CCSER1: variants seen among roughly 807,000 people sequenced by gnomAD.
The protein encoded by CCSER1 is serine-rich coiled-coil domain-containing protein 1.
CCSER1 carries 41 observed loss-of-function variants against 82.0 expected under a neutral mutation model. The ratio of observed to expected loss-of-function variants is 0.50; its 90% confidence interval spans 0.39 to 0.65. The LOEUF is 0.65. CCSER1 is among the 30% of genes least tolerant of loss of function. CCSER1 has a pLI of 0.00. For missense variants in CCSER1, 1,119 were observed against 1,064.2 expected, an observed-to-expected ratio of 1.05 and a Z score of -0.72; for synonymous variants, 414 against 383.9, an observed-to-expected ratio of 1.08 and a Z score of -0.92.
chr4:90,907,861 C>T (rs2150177762), intron 8 of CCSER1, among the ~76,000 whole-genome samples: 1 of 152,086 alleles, frequency 6.6e-6, no homozygotes, highest in African/African-American at 2.4e-5. Flanking sequence ...ATACAAATGC[C>T]AGAAATTTTG....
chr4:90,275,474 AATGTCATC>A (rs1727375779), intron 1 of CCSER1, among the ~76,000 whole-genome samples: 1 of 152,158 alleles, frequency 6.6e-6, no homozygotes, highest in South Asian at 2.1e-4. Context: ...AAATGTTCAG[AATGTCATC>A]ACCTTGCTAA....
intron 3 of CCSER1, among the ~76,000 whole-genome samples, chr4:90,336,879 AGCTGATGTTTATTAATG>A (rs1184079854): frequency 6.6e-6 from 1 of 152,224 alleles, no homozygotes; most frequent in Admixed American, 6.5e-5. Context: ...CAGCAATATT[AGCTGATGTTTATTAATG>A]GCTGATGTTT....
At chr4:91,550,952 A>G (rs1383953454) in intron 10 of CCSER1, among the ~76,000 whole-genome samples, 1 of 152,162 alleles carries the variant, frequency 6.6e-6, no homozygotes, top group African/African-American at 2.4e-5. Context: ...TTGAAAGTTT[A>G]TGTTCATGAC....
At chr4:91,537,667 G>A (rs1761362794) in intron 10 of CCSER1, among the ~76,000 whole-genome samples, 1 of 151,874 alleles carries the variant, frequency 6.6e-6, no homozygotes, top group African/African-American at 2.4e-5. Flanking sequence ...ATTATTTTTT[G>A]AGTACTTAGT....
At chr4:90,838,916 G>C (rs778292840) in intron 8 of CCSER1, 4 of 1,613,282 alleles carry the variant, frequency 2.5e-6, no homozygotes, top group East Asian at 2.2e-5. Flanking sequence ...CGATTCGCCT[G>C]CTTGCTTCTC....
At chr4:91,232,694 A>C (rs1463676390) in intron 10 of CCSER1, among the ~76,000 whole-genome samples, 1 of 151,810 alleles carries the variant, frequency 6.6e-6, no homozygotes, top group East Asian at 1.9e-4. Flanking sequence ...ATTACTTAGA[A>C]CCCAAATAAA....
chr4:90,813,018 C>G (rs1758550179), intron 7 of CCSER1, among the ~76,000 whole-genome samples: 1 of 152,174 alleles, frequency 6.6e-6, no homozygotes, highest in Non-Finnish European at 1.5e-5. Context: ...ATTCTTGTCA[C>G]ATTTGAAAAC....
At chr4:91,263,886 T>G (rs1301227025) in intron 10 of CCSER1, among the ~76,000 whole-genome samples, 1 of 151,984 alleles carries the variant, frequency 6.6e-6, no homozygotes, top group Non-Finnish European at 1.5e-5. Context: ...GTATAAGATA[T>G]GTAACCAATA....
intron 6 of CCSER1, among the ~76,000 whole-genome samples, chr4:90,712,059 G>A (rs1389018370): frequency 6.7e-6 from 1 of 148,768 alleles, no homozygotes; most frequent in Non-Finnish European, 1.5e-5. Context: ...AGTCTAGCTA[G>A]TGGTCTATCT....
At chr4:91,195,216 A>G (rs1735313145) in intron 10 of CCSER1, among the ~76,000 whole-genome samples, 1 of 152,238 alleles carries the variant, frequency 6.6e-6, no homozygotes, top group Non-Finnish European at 1.5e-5. Flanking sequence ...GCCAATTAGT[A>G]AAAATGGAGT....
chr4:90,314,451 A>G (rs950339232), intron 3 of CCSER1, among the ~76,000 whole-genome samples: 2 of 152,134 alleles, frequency 1.3e-5, no homozygotes, highest in Non-Finnish European at 2.9e-5. Context: ...ATTTATATTA[A>G]TAGGGTTACA....
chr4:91,504,507 CAGAA>C (rs1264793905), intron 10 of CCSER1, among the ~76,000 whole-genome samples: 1 of 151,988 alleles, frequency 6.6e-6, no homozygotes, highest in Non-Finnish European at 1.5e-5. Flanking sequence ...TCATAAGAAA[CAGAA>C]AGCACTTGTA....
At chr4:90,753,142 C>T (rs1748962561) in intron 7 of CCSER1, among the ~76,000 whole-genome samples, 1 of 152,084 alleles carries the variant, frequency 6.6e-6, no homozygotes. Context: ...CAACAAAGAA[C>T]AGTAAATTTA....
intron 10 of CCSER1, among the ~76,000 whole-genome samples, chr4:91,247,893 A>G (rs1449752945): frequency 6.6e-6 from 1 of 151,942 alleles, no homozygotes; most frequent in Non-Finnish European, 1.5e-5. Context: ...AGAAAACAAA[A>G]CAATAACAAC....
At chr4:90,281,515 A>G (rs115723507) in intron 1 of CCSER1, among the ~76,000 whole-genome samples, 1,636 of 152,022 alleles carry the variant, frequency 0.011, 15 homozygotes, top group African/African-American at 0.023. Flanking sequence ...TTTTTTCCAT[A>G]TTTTATATAT....
At chr4:90,898,314 C>T (rs1382760902) in intron 8 of CCSER1, among the ~76,000 whole-genome samples, 5 of 85,444 alleles carry the variant, frequency 5.9e-5, no homozygotes, top group Admixed American at 1.6e-4. Context: ...CAGAGTCTTG[C>T]TCTTGTCGCC....
At chr4:91,374,099 C>T (rs1750230017) in intron 10 of CCSER1, among the ~76,000 whole-genome samples, 1 of 151,716 alleles carries the variant, frequency 6.6e-6, no homozygotes, top group Non-Finnish European at 1.5e-5. Context: ...ACACCATCTT[C>T]ATAACATAAA....
At chr4:91,207,015 G>A (rs962191242) in intron 10 of CCSER1, among the ~76,000 whole-genome samples, 1 of 151,794 alleles carries the variant, frequency 6.6e-6, no homozygotes, top group African/African-American at 2.4e-5. Flanking sequence ...TTAGGTAACT[G>A]CATGGATGCT....
chr4:90,609,725 C>G (rs945044250), intron 5 of CCSER1, among the ~76,000 whole-genome samples: 1 of 152,146 alleles, frequency 6.6e-6, no homozygotes, highest in Non-Finnish European at 1.5e-5. Flanking sequence ...CATGGAGGGA[C>G]ACTCAGAAAA....
Sources: allele counts gnomAD v4.1 joint callset (sites outside exome capture counted in the v4.1 genomes callset), GRCh38; gene constraint gnomAD v4.1.1; transcripts MANE v1.5; gene names NCBI Gene and HGNC (gene_info 2026-07-23, HGNC 2026-07-21).